Variants in SLC30A5 observed in about 807,000 individuals in gnomAD.
The protein encoded by SLC30A5 is solute carrier family 30 member 5, also known as proton-coupled zinc antiporter SLC30A5.
In SLC30A5, 33 loss-of-function variants were observed where a neutral mutation model predicts 79.6. The ratio of observed to expected loss-of-function variants is 0.41; its 90% CI spans 0.31 to 0.55. The LOEUF (loss-of-function observed/expected upper bound fraction) is 0.55, where lower values mean the gene tolerates loss of function less well. Ranked by LOEUF, SLC30A5 falls within the 20% of genes least tolerant of loss-of-function variation. SLC30A5 has a pLI of 0.20. For synonymous variants in SLC30A5, 299 were observed against 319.7 expected (o/e 0.94, Z 0.69); for missense variants, 788 against 928.1 (o/e 0.85, Z 1.96).
In SLC30A5 at chr5:69,121,910, A is replaced by G. The variant is rs1256481190; in HGVS notation, c.1771+15A>G. 1 of 1,601,896 alleles carries G rather than the reference A, an allele frequency of 6.2e-7. No homozygotes were observed. On this transcript the variant is annotated intron_variant, in intron 13 of 15. Transcript: ENST00000396591. ...TAACATGAGGGGTGAGTCCTTGCAAAATATTATCCTACTTTTCAACTGTGT... is the reference window on the plus strand; with the variant it reads ...TAACATGAGGGGTGAGTCCTTGCAAGATATTATCCTACTTTTCAACTGTGT...
intron 1 of SLC30A5, among the ~76,000 whole-genome samples, chr5:69,097,029 A>C (rs1745756424): frequency 6.6e-6 from 1 of 151,784 alleles, no homozygotes; most frequent in African/African-American, 2.4e-5. Flanking sequence ...AAAAAAAGTA[A>C]ATGTATATGT....
Position 69,104,176 on chromosome 5 carries a change from C to T in SLC30A5, c.274-455C>T, listed in dbSNP as rs1321663040. 20 of 1,136,636 alleles carry T rather than the reference C, an allele frequency of 1.8e-5. No homozygotes were observed. The East Asian group carries it at 2.0e-4, about 11-fold the overall frequency. The allele number at this position is 1,136,636 out of a possible 1,614,324, so 70.4% of individuals were successfully genotyped here. ...TTTTTGAGAAAGAGTCTTGCTCCAT[C>T]GCCCAGGCTGCAGTGCAGTGACACG... On this transcript the variant is annotated intron_variant, in intron 3 of 15. Transcript: ENST00000396591.
At position 69,129,779 on chromosome 5, in the gene SLC30A5, T is replaced by G. The variant is rs143972019; in HGVS notation, c.*162T>G. On this transcript the variant is annotated 3_prime_UTR_variant, in exon 16 of 16. Coordinates refer to ENST00000396591, the MANE Select transcript of SLC30A5 (RefSeq NM_022902.5). ...TCTTGAAGGAAATTTAAATACAGAA[T>G]GAAACATTAATGGTAAAAGTGGAGT... The G allele has an allele frequency of 9.0e-3, 4,720 of 521,674 alleles. 42 individuals are homozygous for G. The highest frequency in any genetic ancestry group is 0.034 in the Admixed American group (882 of 26,176). The allele number at this position is 521,674 out of a possible 1,614,324, so 32.3% of individuals were successfully genotyped here.
chr5:69,103,850 A>C, intron 3 of SLC30A5: 1 of 844,842 alleles, frequency 1.2e-6, no homozygotes, highest in South Asian at 1.7e-5. Flanking sequence ...CTGCGTCATA[A>C]TTTTTTTATT....
At chr5:69,099,965 T>C (rs977901195) in intron 1 of SLC30A5, among the ~76,000 whole-genome samples, 17 of 152,184 alleles carry the variant, frequency 1.1e-4, no homozygotes, top group Admixed American at 3.3e-4. Flanking sequence ...TACCAAAATG[T>C]TGTGGTTGGT....
At position 69,104,840 on chromosome 5, in the gene SLC30A5, C is replaced by CAG. The variant is rs1746041192; in HGVS notation, c.359+130_359+131dup. The CAG allele has an allele frequency of 7.5e-6, 7 of 935,744 alleles. No homozygotes were observed. In the Admixed American group the frequency reaches 9.3e-5, roughly 12 times the overall value. 58.0% of individuals were successfully genotyped at this position (935,744 alleles called of 1,614,324 possible). ...AATGTGTCTAGCACTTTTATAGCAT[C>CAG]AGAGAGAATTCAACAGATAGAACAA... On this transcript the variant is annotated intron_variant, in intron 4 of 15. Transcript: ENST00000396591.
chr5:69,128,872 T>C (rs373641737), intron 15 of SLC30A5, among the ~76,000 whole-genome samples: 1 of 152,214 alleles, frequency 6.6e-6, no homozygotes, highest in Non-Finnish European at 1.5e-5. Flanking sequence ...GCTGTTTTCC[T>C]TTTCTACTGT....
chr5:69,116,662 T>C lies in SLC30A5; in HGVS notation c.1281+60T>C. 1.6e-6 allele frequency: 2 copies of C among 1,223,700 alleles called. No homozygotes were observed. The highest frequency in any genetic ancestry group is 2.2e-6 in the Non-Finnish European group (2 of 910,116). The allele number at this position is 1,223,700 out of a possible 1,614,324, so 75.8% of individuals were successfully genotyped here. ...AAGCATAATATTTTAATTTTGACAGTTCTGGTATAAGTTTAGTACTTCCCA... is the reference window on the plus strand; with the variant it reads ...AAGCATAATATTTTAATTTTGACAGCTCTGGTATAAGTTTAGTACTTCCCA... On this transcript the variant is annotated intron_variant, in intron 10 of 15. Coordinates refer to ENST00000396591, the MANE Select transcript of SLC30A5 (RefSeq NM_022902.5). The surrounding 1 kb of genome is among the most constrained non-coding windows in gnomAD (Gnocchi z 4.0).
chr5:69,127,639 C>T (rs1035958694), intron 14 of SLC30A5, among the ~76,000 whole-genome samples: 3 of 151,416 alleles, frequency 2.0e-5, no homozygotes, highest in Non-Finnish European at 4.4e-5. Flanking sequence ...AAGACTGTCT[C>T]AAAAAAAACA....
At chr5:69,128,671 A>G (rs1400123141) in intron 15 of SLC30A5, among the ~76,000 whole-genome samples, 1 of 152,140 alleles carries the variant, frequency 6.6e-6, no homozygotes, top group Non-Finnish European at 1.5e-5. Flanking sequence ...GATAAGCTTT[A>G]ATTAATATAA....
At chr5:69,098,102 C>T (rs1390686781) in intron 1 of SLC30A5, among the ~76,000 whole-genome samples, 1 of 151,764 alleles carries the variant, frequency 6.6e-6, no homozygotes, top group South Asian at 2.1e-4. Context: ...TCTGCCTAGG[C>T]TTCCCAGGCA....
intron 11 of SLC30A5, among the ~76,000 whole-genome samples, chr5:69,118,191 AAG>A (rs1554053857): frequency 6.7e-6 from 1 of 150,046 alleles, no homozygotes; most frequent in Non-Finnish European, 1.5e-5. Context: ...AAAAAAAAAA[AAG>A]AGAGTAAAGA....
intron 6 of SLC30A5, among the ~76,000 whole-genome samples, chr5:69,114,194 A>G (rs1746303886): frequency 6.6e-6 from 1 of 152,226 alleles, no homozygotes; most frequent in Admixed American, 6.5e-5. Context: ...GAGACAACAA[A>G]AGAAATACAG....
chr5:69,102,050 CTT>C (rs758327246), intron 2 of SLC30A5, among the ~76,000 whole-genome samples: 77 of 99,378 alleles, frequency 7.7e-4, no homozygotes, highest in African/African-American at 3.2e-3. Context: ...CAGTGACGTG[CTT>C]TTTTTTTTTT....
chr5:69,104,673 T>G lies in SLC30A5; in HGVS notation c.316T>G (p.Ser106Ala). The G allele has an allele frequency of 6.3e-7, 1 of 1,581,910 alleles. No homozygotes were observed. Among genetic ancestry groups the G allele is most frequent in the Non-Finnish European group, 8.6e-7 (1 of 1,168,282 alleles). ...ACATGCAGTTGCTGGGTGTATTATT[T>G]CACTCTTGTGGTTTTTTGGCCTCAC... ...FKHAVAGCII[S>A]LLWFFGLTLC... The change falls in exon 4 of 16, where the codon TCA becomes GCA. Residue 106 changes from serine to alanine, a missense_variant. Physicochemically the swap from Ser to Ala is moderately conservative, Grantham distance 99 (BLOSUM62 1). Coordinates refer to ENST00000396591, the MANE Select transcript of SLC30A5 (RefSeq NM_022902.5).
At chr5:69,115,133 G>C in intron 7 of SLC30A5, 104 bp from the exon 8 acceptor site, 2 of 700,626 alleles carry the variant, frequency 2.9e-6, no homozygotes, top group Non-Finnish European at 4.4e-6. Context: ...CCTGTCTCTG[G>C]GGAAAAAAAA....
intron 2 of SLC30A5, chr5:69,102,738 GTA>G (rs1745964533): frequency 6.2e-6 from 1 of 161,666 alleles, no homozygotes; most frequent in South Asian, 1.7e-4. Flanking sequence ...GCGCACACCT[GTA>G]ATCCCTGCTA....
At position 69,125,133 on chromosome 5, in the gene SLC30A5, G is replaced by T. The variant is rs565107167; in HGVS notation, c.1998+1708G>T. 9.2e-5 allele frequency among the ~76,000 whole-genome samples: 14 copies of T among 152,224 alleles called. No individual in the cohort carries two copies. In the East Asian group the frequency reaches 2.7e-3, roughly 30 times the overall value. On this transcript the variant is annotated intron_variant, in intron 14 of 15. Transcript: ENST00000396591. ...TAGCTGTGCATGGTGGCTCATGCCT[G>T]TAATCCAGCACTTTGGGAGGCTGAG...
In SLC30A5 at chr5:69,130,755, CAT is replaced by C. The variant is rs974396228; in HGVS notation, c.*1139_*1140del. On this transcript the variant is annotated 3_prime_UTR_variant, in exon 16 of 16. Coordinates refer to ENST00000396591, the MANE Select transcript of SLC30A5 (RefSeq NM_022902.5). ...GAAAAGACTTTACCATAGACAATAA[CAT>C]GCAGTTTTATCAGCACCAAAGAATG... is the stretch of plus-strand genomic sequence containing the variant. 2 of 152,030 alleles carry C rather than the reference CAT, an allele frequency of 1.3e-5. No homozygotes were observed. Among genetic ancestry groups the C allele is most frequent in the African/African-American group, 4.8e-5 (2 of 41,410 alleles). 9.4% of individuals were successfully genotyped at this position (152,030 alleles called of 1,614,324 possible). A position where few individuals can be genotyped will look rare whatever the true frequency, so the allele number is the denominator to read the frequency against.
Sources: gnomAD v4.1 joint callset for allele counts (sites outside exome capture counted in the v4.1 genomes callset) on GRCh38, gnomAD v4.1.1 for gene constraint, Gnocchi (gnomAD v3.1) non-coding constraint, MANE v1.5 for transcripts, NCBI Gene and HGNC (gene_info 2026-07-23, HGNC 2026-07-21) for gene names.